Variants in NECTIN1 observed in about 807,000 individuals in gnomAD.
The protein encoded by NECTIN1 is nectin-1.
NECTIN1 carries 23 observed loss-of-function variants against 48.0 expected under a neutral mutation model. The observed-to-expected ratio is 0.48, with a 90% confidence interval of 0.34 to 0.68. The LOEUF is 0.68. Ranked by LOEUF, NECTIN1 falls within the 30% of genes least tolerant of loss-of-function variation. The probability of loss-of-function intolerance (pLI) is 0.01; values close to 1 mark genes in which losing one functional copy is unlikely to be tolerated. For synonymous variants in NECTIN1, 270 were observed against 288.9 expected, an observed-to-expected ratio of 0.93 and a Z score of 0.66; for missense variants, 591 against 709.9, an observed-to-expected ratio of 0.83 and a Z score of 1.90.
At chr11:119,720,406 C>T (rs867804068) in intron 1 of NECTIN1, among the ~76,000 whole-genome samples, 1 of 152,272 alleles carries the variant, frequency 6.6e-6, no homozygotes, top group Non-Finnish European at 1.5e-5. Flanking sequence ...TTCAGTCCCC[C>T]TTCCTCCACA....
chr11:119,664,124 G>A lies in NECTIN1; in HGVS notation c.*623C>T, dbSNP rs1345166687. The A allele has an allele frequency of 1.0e-6, 1 of 985,866 alleles. No homozygotes were observed. The highest frequency in any genetic ancestry group is 1.7e-5 in the African/African-American group (1 of 57,202). The allele number at this position is 985,866 out of a possible 1,614,324, so 61.1% of individuals were successfully genotyped here. On this transcript the variant is annotated 3_prime_UTR_variant, in exon 6 of 6. Coordinates refer to ENST00000264025, the MANE Select transcript of NECTIN1 (RefSeq NM_002855.5). ...AAAAAATGTAAAACCACCCTCAGCA[G>A]GAAAACACTGCCCAAGGCCCCGCTT... is the stretch of plus-strand genomic sequence containing the variant.
chr11:119,695,539 G>A (rs181389514), intron 1 of NECTIN1, among the ~76,000 whole-genome samples: 1 of 152,308 alleles, frequency 6.6e-6, no homozygotes, highest in Non-Finnish European at 1.5e-5. Context: ...CTGGATCCAG[G>A]TCTGCTGGAT....
chr11:119,657,952 G>T (rs574400916), downstream of NECTIN1, among the ~76,000 whole-genome samples: 5 of 145,760 alleles, frequency 3.4e-5, no homozygotes, highest in East Asian at 1.0e-3. Flanking sequence ...GTCTGTCTAG[G>T]CCCCAATCCC....
chr11:119,713,391 C>A (rs1391547645), intron 1 of NECTIN1, among the ~76,000 whole-genome samples: 2 of 152,118 alleles, frequency 1.3e-5, no homozygotes, highest in African/African-American at 4.8e-5. Context: ...GAAGAAAAAA[C>A]CATCCATGAT....
chr11:119,650,537 C>A (rs1189753904), intron 5 of NECTIN1, among the ~76,000 whole-genome samples: 1 of 152,182 alleles, frequency 6.6e-6, no homozygotes, highest in Non-Finnish European at 1.5e-5. Flanking sequence ...GCCTGGGATC[C>A]CCTGTGGAGT....
intron 1 of NECTIN1, among the ~76,000 whole-genome samples, chr11:119,697,020 C>G (rs965119864): frequency 2.0e-5 from 3 of 151,984 alleles, no homozygotes; most frequent in African/African-American, 7.2e-5. Context: ...CCTGCCCACT[C>G]TGTGTGCTGC....
At chr11:119,682,909 T>C (rs545456627) in intron 1 of NECTIN1, among the ~76,000 whole-genome samples, 1 of 152,298 alleles carries the variant, frequency 6.6e-6, no homozygotes, top group South Asian at 2.1e-4. Flanking sequence ...TGTCATCTCT[T>C]CCTACTCAGC....
In NECTIN1 at chr11:119,683,930, G is replaced by T. The variant is rs1865108008; in HGVS notation, c.80-5165C>A. On this transcript the variant is annotated intron_variant, in intron 1 of 5. Transcript: ENST00000264025. The surrounding 1 kb of genome is among the most constrained non-coding windows in gnomAD (Gnocchi z 4.0). ...GCTGAGCCAGCATGACGGGCCTCAG[G>T]CCGGCCCCCTGAGACGTCACAGACC... 6.6e-6 allele frequency among the ~76,000 whole-genome samples: 1 copy of T among 151,920 alleles called. No individual in the cohort carries two copies. Among genetic ancestry groups the T allele is most frequent in the Admixed American group, 6.5e-5 (1 of 15,278 alleles).
chr11:119,703,250 G>A (rs750556668), intron 1 of NECTIN1, among the ~76,000 whole-genome samples: 4 of 152,236 alleles, frequency 2.6e-5, no homozygotes, highest in Non-Finnish European at 5.9e-5. Flanking sequence ...CCTGGCAGAG[G>A]ATCTGACCAC....
downstream of NECTIN1, among the ~76,000 whole-genome samples, chr11:119,657,920 CAAAAAAAA>C (rs61352311): frequency 1.3e-5 from 1 of 78,270 alleles, no homozygotes; most frequent in Non-Finnish European, 2.4e-5. Context: ...GACCCCGTCT[CAAAAAAAA>C]AAAAAAAAAA....
chr11:119,663,029 G>GAGGGGAGGGGA lies in NECTIN1; in HGVS notation c.*1717_*1718insTCCCCTCCCCT. The GAGGGGAGGGGA allele has an allele frequency of 1.1e-6, 1 of 950,362 alleles. No homozygotes were observed. The highest frequency in any genetic ancestry group is 1.8e-5 in the African/African-American group (1 of 56,406). 58.9% of individuals were successfully genotyped at this position (950,362 alleles called of 1,614,324 possible). ...AATAGCAGCACCAGGGAGGGGAGGG[G>GAGGGGAGGGGA]AGGGGTTGGGGGGCTCCCTTAGGAA... On this transcript the variant is annotated 3_prime_UTR_variant, in exon 6 of 6. Coordinates refer to ENST00000264025, the MANE Select transcript of NECTIN1 (RefSeq NM_002855.5).
At chr11:119,646,553 CTTAAA>C (rs1181156819) in intron 5 of NECTIN1, among the ~76,000 whole-genome samples, 4 of 152,130 alleles carry the variant, frequency 2.6e-5, no homozygotes, top group African/African-American at 7.2e-5. Context: ...TGTGCTTTTA[CTTAAA>C]TTATTTTATT....
chr11:119,708,981 C>A (rs879681675), intron 1 of NECTIN1, among the ~76,000 whole-genome samples: 1 of 152,002 alleles, frequency 6.6e-6, no homozygotes, highest in South Asian at 2.1e-4. Flanking sequence ...CAGGACTGCC[C>A]AGGACTGATT....
At chr11:119,653,633 A>C (rs1425388031) in intron 5 of NECTIN1, among the ~76,000 whole-genome samples, 1 of 152,216 alleles carries the variant, frequency 6.6e-6, no homozygotes, top group Non-Finnish European at 1.5e-5. Flanking sequence ...CAAGTGTCTT[A>C]CTTCTTGATG....
chr11:119,675,081 C>T (rs1425082842), intron 5 of NECTIN1, 78 bp downstream of exon 5: 5 of 1,501,686 alleles, frequency 3.3e-6, no homozygotes, highest in African/African-American at 1.4e-5. Flanking sequence ...CCTGCAGTGG[C>T]ATTGCTCAAA....
chr11:119,698,809 G>T (rs946251913), intron 1 of NECTIN1, among the ~76,000 whole-genome samples: 13 of 152,152 alleles, frequency 8.5e-5, no homozygotes, highest in Non-Finnish European at 1.8e-4. Context: ...ACTGATATGT[G>T]GGTACCCTAG....
At chr11:119,691,830 C>A (rs1865258833) in intron 1 of NECTIN1, among the ~76,000 whole-genome samples, 1 of 152,152 alleles carries the variant, frequency 6.6e-6, no homozygotes. Context: ...AGCCCTCCTG[C>A]CTGGCCTGCC....
At position 119,661,956 on chromosome 11, in the gene NECTIN1, T is replaced by G; in HGVS notation, c.*2791A>C. The G allele has an allele frequency of 1.0e-6, 1 of 985,376 alleles. No homozygotes were observed. Among genetic ancestry groups the G allele is most frequent in the Non-Finnish European group, 1.2e-6 (1 of 829,912 alleles). The allele number at this position is 985,376 out of a possible 1,614,324, so 61.0% of individuals were successfully genotyped here. ...CTTGCAGGCCTGTGTTCACCTACTC[T>G]GTGCTGCTGCTTTTCAGACCCTTCT... On this transcript the variant is annotated 3_prime_UTR_variant, in exon 6 of 6. Coordinates refer to ENST00000264025, the MANE Select transcript of NECTIN1 (RefSeq NM_002855.5).
At position 119,663,310 on chromosome 11, in the gene NECTIN1, G is replaced by A; in HGVS notation, c.*1437C>T. 2.0e-6 allele frequency: 2 copies of A among 985,520 alleles called. No homozygotes were observed. The highest frequency in any genetic ancestry group is 1.7e-5 in the African/African-American group (1 of 57,356). The allele number at this position is 985,520 out of a possible 1,614,324, so 61.0% of individuals were successfully genotyped here. A position where few individuals can be genotyped will look rare whatever the true frequency, so the allele number is the denominator to read the frequency against. ...TTTGAGCTGGGGGACTGAGAGGGCTGGGAGGGGTCTTCCTCCATTATATAC... is the reference window on the plus strand; with the variant it reads ...TTTGAGCTGGGGGACTGAGAGGGCTAGGAGGGGTCTTCCTCCATTATATAC... On this transcript the variant is annotated 3_prime_UTR_variant, in exon 6 of 6. Coordinates refer to ENST00000264025, the MANE Select transcript of NECTIN1 (RefSeq NM_002855.5).
Sources: gnomAD v4.1 joint callset for allele counts (sites outside exome capture counted in the v4.1 genomes callset) on GRCh38, gnomAD v4.1.1 for gene constraint, Gnocchi (gnomAD v3.1) non-coding constraint, MANE v1.5 for transcripts, NCBI Gene and HGNC (gene_info 2026-07-23, HGNC 2026-07-21) for gene names.